The following MPPED2 variants were observed in gnomAD, a reference collection of about 807,000 sequenced individuals.
The protein encoded by MPPED2 is metallophosphoesterase domain containing 2, also known as metallophosphoesterase MPPED2.
Under a neutral mutation model 33.0 loss-of-function variants are expected in MPPED2, and 5 were observed. The ratio of observed to expected loss-of-function variants is 0.15; its 90% CI spans 0.08 to 0.32. The LOEUF is 0.32. MPPED2 is among the 10% of genes least tolerant of loss of function. The probability of loss-of-function intolerance (pLI) is 1.00; values close to 1 mark genes in which losing one functional copy is unlikely to be tolerated. For missense variants in MPPED2, 275 were observed against 372.1 expected (o/e 0.74, Z 2.15); for synonymous variants, 136 against 141.9 (o/e 0.96, Z 0.29).
chr11:30,495,188 G>A (rs1324499101), intron 4 of MPPED2, 108 bp downstream of exon 4: 1 of 763,984 alleles, frequency 1.3e-6, no homozygotes, highest in Non-Finnish European at 2.2e-6. Flanking sequence ...CAGCAATAAG[G>A]TTTCCTTTCA....
chr11:30,571,685 A>G (rs1255180242), intron 2 of MPPED2, among the ~76,000 whole-genome samples: 1 of 152,182 alleles, frequency 6.6e-6, no homozygotes, highest in African/African-American at 2.4e-5. Context: ...GAAGAAAAAC[A>G]AACTGATGAA....
chr11:30,471,969 T>G (rs1950967252), intron 4 of MPPED2, among the ~76,000 whole-genome samples: 2 of 152,002 alleles, frequency 1.3e-5, no homozygotes, highest in African/African-American at 2.4e-5. Flanking sequence ...AAAACATTTT[T>G]CAGGGTTGCT....
chr11:30,507,450 C>T (rs972442714), intron 3 of MPPED2, among the ~76,000 whole-genome samples: 20 of 152,128 alleles, frequency 1.3e-4, no homozygotes, highest in African/African-American at 4.6e-4. Flanking sequence ...ATAATATCCA[C>T]GCTGGACAGG....
intron 3 of MPPED2, among the ~76,000 whole-genome samples, chr11:30,522,386 AT>A (rs1953920245): frequency 1.5e-5 from 1 of 67,380 alleles, no homozygotes; most frequent in Admixed American, 1.4e-4. Flanking sequence ...TCAGGAAAAC[AT>A]ACACACACAC....
intron 4 of MPPED2, among the ~76,000 whole-genome samples, chr11:30,447,049 C>T (rs945485690): frequency 4.6e-5 from 7 of 152,176 alleles, no homozygotes; most frequent in African/African-American, 1.7e-4. Flanking sequence ...TATTTGATAA[C>T]ATTAAAAGAA....
chr11:30,530,701 C>A (rs746431517), intron 3 of MPPED2, among the ~76,000 whole-genome samples: 1 of 152,166 alleles, frequency 6.6e-6, no homozygotes, highest in African/African-American at 2.4e-5. Context: ...TGCAATCAAA[C>A]GATGAGATCT....
chr11:30,431,156 G>A (rs1337070312), intron 4 of MPPED2, among the ~76,000 whole-genome samples: 2 of 152,120 alleles, frequency 1.3e-5, no homozygotes, highest in Non-Finnish European at 1.5e-5. Flanking sequence ...TTTTTGCAGC[G>A]GGTTGGGGGG....
chr11:30,547,176 A>C (rs543830694), intron 2 of MPPED2, among the ~76,000 whole-genome samples: 350 of 152,332 alleles, frequency 2.3e-3, no homozygotes, highest in South Asian at 0.01. Context: ...CTGCAATTCC[A>C]GTGTTAAGCA....
rs1948089972 is a variant in MPPED2, at chr11:30,411,251, G to A, written c.*217C>T. On this transcript the variant is annotated 3_prime_UTR_variant, in exon 7 of 7. Coordinates refer to ENST00000358117, the MANE Select transcript of MPPED2 (RefSeq NM_001584.3). Reference sequence around the variant, plus strand: ...TGGCATGGCCTTTGAGAAAACAGAAGTCATTTTACAAATTCACAATGTTCC... The same window carrying A: ...TGGCATGGCCTTTGAGAAAACAGAAATCATTTTACAAATTCACAATGTTCC... 8 of 1,186,514 alleles carry A rather than the reference G, an allele frequency of 6.7e-6. No homozygotes were observed. The highest frequency in any genetic ancestry group is 8.4e-6 in the Non-Finnish European group (8 of 955,828). The allele number at this position is 1,186,514 out of a possible 1,614,324, so 73.5% of individuals were successfully genotyped here.
chr11:30,509,870 T>C (rs531029175), intron 3 of MPPED2, among the ~76,000 whole-genome samples: 6 of 152,334 alleles, frequency 3.9e-5, no homozygotes, highest in South Asian at 2.1e-4. Flanking sequence ...AATGACTTAG[T>C]TGCAATTCAG....
At chr11:30,537,431 A>G (rs532820389) in intron 2 of MPPED2, among the ~76,000 whole-genome samples, 52 of 152,308 alleles carry the variant, frequency 3.4e-4, no homozygotes, top group African/African-American at 1.2e-3. Context: ...AAAGCTCCAC[A>G]CAAGACTCCC....
At chr11:30,572,819 C>G (rs543724833) in intron 2 of MPPED2, among the ~76,000 whole-genome samples, 1 of 152,132 alleles carries the variant, frequency 6.6e-6, no homozygotes, top group Non-Finnish European at 1.5e-5. Context: ...CTATTATATT[C>G]TTTCCCTAAA....
At chr11:30,437,763 G>C (rs1375959348) in intron 4 of MPPED2, among the ~76,000 whole-genome samples, 1 of 152,024 alleles carries the variant, frequency 6.6e-6, no homozygotes, top group Non-Finnish European at 1.5e-5. Context: ...GAGGCAGATA[G>C]AAGAAATCTG....
At chr11:30,414,546 A>ATT (rs11433178) in intron 5 of MPPED2, among the ~76,000 whole-genome samples, 29 of 148,704 alleles carry the variant, frequency 2.0e-4, no homozygotes, top group Admixed American at 1.7e-3. Flanking sequence ...TTTGGTTTCC[A>ATT]TTTTTTTTTC....
intron 2 of MPPED2, among the ~76,000 whole-genome samples, chr11:30,553,127 C>T (rs762288062): frequency 2.5e-4 from 38 of 152,168 alleles, no homozygotes; most frequent in Non-Finnish European, 5.3e-4. Context: ...TCCTTCTTTT[C>T]TCCTCTTGCC....
chr11:30,517,580 G>A (rs562037416), intron 3 of MPPED2, among the ~76,000 whole-genome samples: 20 of 152,218 alleles, frequency 1.3e-4, no homozygotes, highest in Admixed American at 1.2e-3. Flanking sequence ...ACGTAGTAAC[G>A]CTGCTAAAGT....
intron 5 of MPPED2, 43 bp downstream of exon 5, chr11:30,417,475 A>C (rs1948423560): frequency 3.5e-6 from 4 of 1,136,476 alleles, no homozygotes; most frequent in African/African-American, 1.5e-5. Context: ...TGCCTGGAAA[A>C]AAAGGCATCT....
In MPPED2 at chr11:30,495,306, C is replaced by CT; in HGVS notation, c.525_526insA (p.Gly176ArgfsTer9). The CT allele has an allele frequency of 6.2e-7, 1 of 1,611,260 alleles. No individual in the cohort carries two copies. The highest frequency in any genetic ancestry group is 8.5e-7 in the Non-Finnish European group (1 of 1,177,504). ...TGAATCATCACTTACCAAGGTGCAC[C>CT]GTATATCCTGAATCCCTTCACTGTT... On this transcript the variant is annotated frameshift_variant, in exon 4 of 7. Transcript: ENST00000358117. LOFTEE classifies it high-confidence loss of function.
chr11:30,442,304 T>A (rs532634972), intron 4 of MPPED2, among the ~76,000 whole-genome samples: 10 of 152,290 alleles, frequency 6.6e-5, no homozygotes, highest in Non-Finnish European at 1.0e-4. Context: ...GAGTATTTAG[T>A]CAAATAAAAT....
Sources: gnomAD v4.1 joint callset for allele counts (sites outside exome capture counted in the v4.1 genomes callset) on GRCh38, gnomAD v4.1.1 for gene constraint, MANE v1.5 for transcripts, NCBI Gene and HGNC (gene_info 2026-07-23, HGNC 2026-07-21) for gene names.